VEGFD: variants seen among roughly 807,000 people sequenced by gnomAD.
VEGFD encodes c-fos induced growth factor (vascular endothelial growth factor D).
VEGFD carries 26 observed loss-of-function variants against 28.0 expected under a neutral mutation model. The ratio of observed to expected loss-of-function variants is 0.93; its 90% CI spans 0.68 to 1.29. VEGFD has a LOEUF of 1.29. VEGFD is among the 50% of genes most tolerant of loss of function. The probability of loss-of-function intolerance (pLI) is 0.00; values close to 1 mark genes in which losing one functional copy is unlikely to be tolerated. For synonymous variants in VEGFD, 93 were observed against 95.5 expected, an observed-to-expected ratio of 0.97 and a Z score of 0.15; for missense variants, 294 against 273.4, an observed-to-expected ratio of 1.08 and a Z score of -0.53.
At chrX:15,347,637 A>G (rs1922588455) in intron 5 of VEGFD, among the ~76,000 whole-genome samples, 1 of 111,938 alleles carries the variant, frequency 8.9e-6, no homozygotes, top group Non-Finnish European at 1.9e-5. Context: ...TATGTTGATG[A>G]CTTGTTTAGA....
chrX:15,355,220 A>T lies in VEGFD; in HGVS notation c.571T>A (p.Cys191Ser). The T allele has an allele frequency of 8.3e-7, 1 of 1,205,669 alleles. No individual in the cohort carries two copies. The highest frequency in any genetic ancestry group is 1.1e-6 in the Non-Finnish European group (1 of 892,743). Reference sequence around the variant, plus strand: ...GGATGGCGGGGGGCTGTTGGCAAGCACTTACAACCTGTATGATTGGCAACT... The same window carrying T: ...GGATGGCGGGGGGCTGTTGGCAAGCTCTTACAACCTGTATGATTGGCAACT... ...VKVANHTGCKCLPTAPRHPYS... is the reference protein window; with the variant it reads ...VKVANHTGCKSLPTAPRHPYS... The change falls in exon 4 of 7, where the codon TGC (cysteine) becomes AGC (serine). Residue 191 changes from cysteine (C) to serine (S), a missense_variant. Coordinates refer to ENST00000297904, the MANE Select transcript of VEGFD (RefSeq NM_004469.5).
At chrX:15,366,152 G>A (rs1923140884) in intron 1 of VEGFD, among the ~76,000 whole-genome samples, 2 of 110,575 alleles carry the variant, frequency 1.8e-5, no homozygotes, top group African/African-American at 6.6e-5. Flanking sequence ...GACTACAGGC[G>A]CCCACCACCA....
chrX:15,351,566 G>T (rs1290185325), intron 5 of VEGFD, among the ~76,000 whole-genome samples: 1 of 112,067 alleles, frequency 8.9e-6, no homozygotes, highest in Admixed American at 9.4e-5. Flanking sequence ...CATGGAGAAA[G>T]AATTAGATTT....
intron 2 of VEGFD, among the ~76,000 whole-genome samples, chrX:15,358,799 T>G (rs763969557): frequency 8.9e-6 from 1 of 112,209 alleles, no homozygotes; most frequent in Non-Finnish European, 1.9e-5. Context: ...ATTACTGGAA[T>G]GAGCAATCCT....
chrX:15,367,954 AAAAGAAAG>A (rs771145372), intron 1 of VEGFD, among the ~76,000 whole-genome samples: 6 of 98,769 alleles, frequency 6.1e-5, no homozygotes, highest in East Asian at 6.1e-4. Flanking sequence ...ACGATCTTGA[AAAAGAAAG>A]AAAGAAAGAA....
At position 15,363,319 on chromosome X, in the gene VEGFD, G is replaced by A. The variant is rs778550869; in HGVS notation, c.91C>T (p.Arg31Ter). Residue 31 changes from arginine to a stop codon, truncating the protein, a stop_gained and splice_region_variant, in exon 2 of 7, where the codon CGA becomes TGA. Coordinates refer to ENST00000297904, the MANE Select transcript of VEGFD (RefSeq NM_004469.5). LOFTEE classifies it high-confidence loss of function. ...CGTTCCAATGTGGACTGAGATGATC[G>A]CTTAAAAAAACAAAAATACCAGTTT... ...GSSNEHGPVK[R>*]SSQSTLERSE... The A allele has an allele frequency of 3.4e-6, 4 of 1,190,441 alleles. No individual in the cohort carries two copies. The highest frequency in any genetic ancestry group is 4.5e-6 in the Non-Finnish European group (4 of 883,939).
chrX:15,346,592 A>C (rs1197903016), intron 6 of VEGFD, among the ~76,000 whole-genome samples: 1 of 112,406 alleles, frequency 8.9e-6, no homozygotes, highest in Non-Finnish European at 1.9e-5. Flanking sequence ...TTATTAAGCA[A>C]TATCCTAATA....
intron 1 of VEGFD, among the ~76,000 whole-genome samples, chrX:15,379,724 G>A (rs1037707315): frequency 8.0e-5 from 9 of 111,933 alleles, no homozygotes; most frequent in African/African-American, 2.6e-4. Flanking sequence ...TATTTCTGTA[G>A]CACCTCTATC....
At chrX:15,356,443 C>G (rs866471422) in intron 3 of VEGFD, among the ~76,000 whole-genome samples, 11 of 112,173 alleles carry the variant, frequency 9.8e-5, no homozygotes, top group Non-Finnish European at 1.5e-4. Context: ...AACTGCTGTA[C>G]ACTTACACTT....
Position 15,358,121 on chromosome X carries a change from C to T in VEGFD, c.374G>A (p.Gly125Glu), listed in dbSNP as rs1922912805. 1.7e-6 allele frequency: 2 copies of T among 1,209,838 alleles called. No individual in the cohort carries two copies. Among genetic ancestry groups the T allele is most frequent in the Admixed American group, 2.2e-5 (1 of 45,765 alleles). ...ETCVEVASEL[G>E]KSTNTFFKPP... ...CTTGAAGAATGTGTTGGTACTCTTCCCCAGCTCACTGGCCACCTCCACGCA... is the reference window on the plus strand; with the variant it reads ...CTTGAAGAATGTGTTGGTACTCTTCTCCAGCTCACTGGCCACCTCCACGCA... Residue 125 changes from glycine (G) to glutamate (E), a missense_variant, in exon 3 of 7, where the codon GGG becomes GAG. Coordinates refer to ENST00000297904, the MANE Select transcript of VEGFD (RefSeq NM_004469.5).
intron 5 of VEGFD, among the ~76,000 whole-genome samples, chrX:15,348,141 A>G (rs558863326): frequency 1.4e-4 from 16 of 112,079 alleles, no homozygotes; most frequent in Middle Eastern, 4.6e-3. Context: ...TTTCTCCCCA[A>G]ATCTGCTTCT....
At chrX:15,380,137 C>G (rs1270878988) in intron 1 of VEGFD, among the ~76,000 whole-genome samples, 1 of 112,419 alleles carries the variant, frequency 8.9e-6, no homozygotes, top group Non-Finnish European at 1.9e-5. Context: ...GTGCCAAGGA[C>G]TGTGTCTGAC....
chrX:15,380,349 GT>G (rs1266020853), intron 1 of VEGFD, among the ~76,000 whole-genome samples: 1 of 112,633 alleles, frequency 8.9e-6, no homozygotes, highest in Non-Finnish European at 1.9e-5. Flanking sequence ...TAACACAAAT[GT>G]AAAGAAGTCT....
chrX:15,383,975 T>A lies in VEGFD; in HGVS notation c.-29A>T. On this transcript the variant is annotated 5_prime_UTR_variant, in exon 1 of 7. An upstream open reading frame in the 5' UTR loses its in-frame stop. Coordinates refer to ENST00000297904, the MANE Select transcript of VEGFD (RefSeq NM_004469.5). The stretch of plus-strand genomic sequence containing the variant: ...GAATATTTCAATATCCACTGATTAC[T>A]AAGCAGTTGACATCAGGCAGCTAGA... 9.3e-7 allele frequency: 1 copy of A among 1,073,725 alleles called. No individual in the cohort carries two copies. The highest frequency in any genetic ancestry group is 1.9e-5 in the South Asian group (1 of 52,942). 88.5% of individuals were successfully genotyped at this position (1,073,725 alleles called of 1,213,427 possible). A position where few individuals can be genotyped will look rare whatever the true frequency, so the allele number is the denominator to read the frequency against.
At position 15,353,164 on chromosome X, in the gene VEGFD, A is replaced by G. The variant is rs753761161; in HGVS notation, c.646T>C (p.Ser216Pro). 9.1e-7 allele frequency: 1 copy of G among 1,093,602 alleles called. No individual in the cohort carries two copies. Among genetic ancestry groups the G allele is most frequent in the East Asian group, 3.2e-5 (1 of 31,049 alleles). 90.1% of individuals were successfully genotyped at this position (1,093,602 alleles called of 1,213,427 possible). A position where few individuals can be genotyped will look rare whatever the true frequency, so the allele number is the denominator to read the frequency against. Residue 216 changes from serine to proline, a missense_variant, in exon 5 of 7, where the codon TCC becomes CCC. Coordinates refer to ENST00000297904, the MANE Select transcript of VEGFD (RefSeq NM_004469.5). ...ATAGGACAGAGTTTCTTGGAATGGG[A>G]ACAGCTAGGAAAAGAAAACAATGAA... ...SIQIPEEDRC[S>P]HSKKLCPIDM...
At position 15,347,200 on chromosome X, in the gene VEGFD, C is replaced by A; in HGVS notation, c.902G>T (p.Cys301Phe). 2 of 1,210,484 alleles carry A rather than the reference C, an allele frequency of 1.7e-6. No homozygotes were observed. The highest frequency in any genetic ancestry group is 2.2e-6 in the Non-Finnish European group (2 of 894,914). Residue 301 changes from cysteine (C) to phenylalanine (F), a missense_variant, in exon 6 of 7, where the codon TGC (cysteine) becomes TTC (phenylalanine). Physicochemically the swap from Cys to Phe is radical, Grantham distance 205. Coordinates refer to ENST00000297904, the MANE Select transcript of VEGFD (RefSeq NM_004469.5). ...FECKESLETC[C>F]QKHKLFHPDT... ...TGGGTGAAATAGCTTGTGCTTCTGGCAGCAGGTCTCCAGACTTTCTTTGCA... is the reference window on the plus strand; with the variant it reads ...TGGGTGAAATAGCTTGTGCTTCTGGAAGCAGGTCTCCAGACTTTCTTTGCA...
At chrX:15,381,756 GT>G (rs1923577649) in intron 1 of VEGFD, among the ~76,000 whole-genome samples, 2 of 111,083 alleles carry the variant, frequency 1.8e-5, no homozygotes, top group South Asian at 3.7e-4. Context: ...CAAAACTTCT[GT>G]TTAGCTATAG....
intron 1 of VEGFD, among the ~76,000 whole-genome samples, chrX:15,378,616 C>T (rs1923492895): frequency 9.0e-6 from 1 of 111,454 alleles, no homozygotes; most frequent in Non-Finnish European, 1.9e-5. Context: ...TAAATGTATA[C>T]ACAGGCAAAT....
intron 1 of VEGFD, 62 bp downstream of exon 1, chrX:15,383,795 G>T: frequency 2.3e-6 from 2 of 873,479 alleles, no homozygotes; most frequent in Non-Finnish European, 3.4e-6. Context: ...TGAGGGCAAA[G>T]AAAGTCCTCT....
Sources: allele counts gnomAD v4.1 joint callset (sites outside exome capture counted in the v4.1 genomes callset), GRCh38; gene constraint gnomAD v4.1.1; transcripts MANE v1.5; gene names NCBI Gene and HGNC (gene_info 2026-07-23, HGNC 2026-07-21).